The following SAMD5 variants were observed in gnomAD, a reference collection of about 807,000 sequenced individuals.
SAMD5 encodes the protein sterile alpha motif domain containing 5.
Under a neutral mutation model 11.3 loss-of-function variants are expected in SAMD5, and 13 were observed. That is an observed-to-expected ratio of 1.15 (90% CI 0.75 to 1.83). The LOEUF (loss-of-function observed/expected upper bound fraction) is 1.83, where lower values mean the gene tolerates loss of function less well. SAMD5 is among the 40% of genes most tolerant of loss of function. The pLI is 0.00. For missense variants in SAMD5, 255 were observed against 239.1 expected (o/e 1.07, Z -0.44); for synonymous variants, 129 against 111.3 (o/e 1.16, Z -1.00).
chr6:147,933,501 A>T, the SAMD5 span, among the ~76,000 whole-genome samples: 1 of 152,196 alleles, frequency 6.6e-6, no homozygotes, highest in East Asian at 1.9e-4. Context: ...GCTAGGGAAT[A>T]GGGAAGTGGA....
chr6:147,936,509 A>G, the SAMD5 span, among the ~76,000 whole-genome samples: 1 of 152,104 alleles, frequency 6.6e-6, no homozygotes, highest in Non-Finnish European at 1.5e-5. Context: ...ACTCACTATC[A>G]TGAGGACAGC....
intron 1 of SAMD5, among the ~76,000 whole-genome samples, chr6:147,728,646 G>A (rs759628663): frequency 7.8e-4 from 118 of 152,058 alleles, no homozygotes; most frequent in Admixed American, 2.9e-3. Flanking sequence ...ATAGACAAAC[G>A]AAAGAAAAGA....
chr6:147,743,490 G>A, the SAMD5 span, among the ~76,000 whole-genome samples: 7 of 149,570 alleles, frequency 4.7e-5, no homozygotes, highest in Non-Finnish European at 8.9e-5. Flanking sequence ...GCAACAGAGC[G>A]AGACTCTGTC....
At chr6:147,870,537 A>G in the SAMD5 span, among the ~76,000 whole-genome samples, 1 of 151,278 alleles carries the variant, frequency 6.6e-6, no homozygotes, top group Non-Finnish European at 1.5e-5. Flanking sequence ...TGTCTTTACA[A>G]TATTCTCCTT....
the SAMD5 span, among the ~76,000 whole-genome samples, chr6:147,840,425 A>G: frequency 2.0e-5 from 3 of 152,242 alleles, no homozygotes; most frequent in Admixed American, 6.5e-5. Flanking sequence ...ATGCATGTAC[A>G]TGTGTTCTTT....
the SAMD5 span, among the ~76,000 whole-genome samples, chr6:147,941,844 G>T: frequency 7.3e-6 from 1 of 137,320 alleles, no homozygotes; most frequent in African/African-American, 2.7e-5. Flanking sequence ...GTGTGTGTGT[G>T]TGAAGTTGGT....
chr6:147,584,697 A>G (rs1789349534), intron 1 of SAMD5, among the ~76,000 whole-genome samples: 1 of 152,204 alleles, frequency 6.6e-6, no homozygotes, highest in East Asian at 1.9e-4. Flanking sequence ...TTATATACAT[A>G]TTTTGTTAGT....
intron 1 of SAMD5, among the ~76,000 whole-genome samples, chr6:147,607,276 T>G (rs1178286000): frequency 6.6e-6 from 1 of 152,178 alleles, no homozygotes; most frequent in East Asian, 1.9e-4. Flanking sequence ...ATCTACAGAT[T>G]CAATGCCATC....
intron 1 of SAMD5, among the ~76,000 whole-genome samples, chr6:147,689,762 TG>T (rs759412102): frequency 1.3e-5 from 2 of 152,250 alleles, no homozygotes; most frequent in Non-Finnish European, 2.9e-5. Context: ...GAAACAGATA[TG>T]GTGAATGATT....
chr6:147,530,669 A>G (rs556723937), intron 1 of SAMD5, among the ~76,000 whole-genome samples: 117 of 152,330 alleles, frequency 7.7e-4, no homozygotes, highest in Non-Finnish European at 1.4e-3. Flanking sequence ...CCTTGCAGAC[A>G]GGGGAATTCC....
At chr6:147,623,659 A>G (rs747527102) in intron 1 of SAMD5, among the ~76,000 whole-genome samples, 2 of 152,196 alleles carry the variant, frequency 1.3e-5, no homozygotes, top group Non-Finnish European at 2.9e-5. Flanking sequence ...ATTGCAGAAA[A>G]ATAAGTTTTT....
the SAMD5 span, among the ~76,000 whole-genome samples, chr6:147,751,090 C>T: frequency 6.6e-6 from 1 of 152,148 alleles, no homozygotes; most frequent in African/African-American, 2.4e-5. Context: ...CCTTTCTGCT[C>T]CTGGAACACA....
chr6:147,524,393 GT>G (rs1788303617), intron 1 of SAMD5, among the ~76,000 whole-genome samples: 1 of 150,576 alleles, frequency 6.6e-6, no homozygotes, highest in Non-Finnish European at 1.5e-5. Flanking sequence ...AGAGTAATGG[GT>G]TTTTTTGTTT....
chr6:147,624,442 G>T lies in SAMD5; in HGVS notation c.163-112875G>T, dbSNP rs545830735. ...GAATTAAAATAATTAAAAACGTTAC[G>T]TTTCATAGTTTAGCTTCCACTTATG... On this transcript the variant is annotated intron_variant, in intron 1 of 1. Coordinates refer to the SAMD5 transcript ENST00000566741. Among the ~76,000 whole-genome samples, 3 of 152,280 alleles carry T rather than the reference G, an allele frequency of 2.0e-5. No homozygotes were observed. In the South Asian group the frequency reaches 6.2e-4, roughly 32 times the overall value.
chr6:147,665,904 C>T (rs1790710320), intron 1 of SAMD5, among the ~76,000 whole-genome samples: 1 of 151,982 alleles, frequency 6.6e-6, no homozygotes, highest in African/African-American at 2.4e-5. Context: ...TTATTTTTTT[C>T]CCCATTTAAG....
At chr6:147,750,817 GA>G in the SAMD5 span, among the ~76,000 whole-genome samples, 1 of 152,210 alleles carries the variant, frequency 6.6e-6, no homozygotes, top group African/African-American at 2.4e-5. Context: ...AGCTACTTGG[GA>G]GGCTGAGGCA....
At chr6:147,900,307 T>C in the SAMD5 span, among the ~76,000 whole-genome samples, 5 of 152,172 alleles carry the variant, frequency 3.3e-5, no homozygotes, top group Admixed American at 6.5e-5. Flanking sequence ...ATTTCCTTGA[T>C]ATTGAGTTGA....
chr6:147,515,460 CCATCCATCCATCCATT>C (rs1788155091), intron 1 of SAMD5, among the ~76,000 whole-genome samples: 2 of 150,766 alleles, frequency 1.3e-5, no homozygotes, highest in African/African-American at 5.0e-5. Context: ...ATCCATCCAT[CCATCCATCCATCCATT>C]CATTTATTCA....
At chr6:147,708,175 T>C (rs1791349997) in intron 1 of SAMD5, among the ~76,000 whole-genome samples, 1 of 152,110 alleles carries the variant, frequency 6.6e-6, no homozygotes, top group Non-Finnish European at 1.5e-5. Context: ...TAAAATCAGG[T>C]CAGCCAGGTG....
Sources: allele counts gnomAD v4.1 joint callset (sites outside exome capture counted in the v4.1 genomes callset), GRCh38; gene constraint gnomAD v4.1.1; transcripts MANE v1.5; gene names NCBI Gene and HGNC (gene_info 2026-07-23, HGNC 2026-07-21).